MGAT5: variants seen among roughly 807,000 people sequenced by gnomAD.
The protein encoded by MGAT5 is alpha-1,6-mannosylglycoprotein 6-beta-N-acetylglucosaminyltransferase.
In MGAT5, 30 loss-of-function variants were observed where a neutral mutation model predicts 94.3. The observed-to-expected ratio is 0.32, with a 90% CI of 0.24 to 0.43. The LOEUF (loss-of-function observed/expected upper bound fraction) is 0.43. Among genes scored for constraint, MGAT5 ranks in the 20% least tolerant of loss-of-function variants. The pLI, the probability that MGAT5 is intolerant of heterozygous loss-of-function variation, is 1.00. For missense variants in MGAT5, 691 were observed against 905.5 expected, an observed-to-expected ratio of 0.76 and a Z score of 3.04; for synonymous variants, 310 against 322.9, an observed-to-expected ratio of 0.96 and a Z score of 0.43.
In MGAT5 at chr2:134,448,928, T is replaced by C; in HGVS notation, c.*81T>C. The C allele has an allele frequency of 7.0e-7, 1 of 1,419,062 alleles. No homozygotes were observed. Among genetic ancestry groups the C allele is most frequent in the Non-Finnish European group, 9.7e-7 (1 of 1,030,802 alleles). The allele number at this position is 1,419,062 out of a possible 1,614,324, so 87.9% of individuals were successfully genotyped here. A position where few individuals can be genotyped will look rare whatever the true frequency, so the allele number is the denominator to read the frequency against. ...CGTCAGGCAGGGCCAGGGACAGAAG[T>C]CATGCAGGGACTCTGGCAAGAGCCT... On this transcript the variant is annotated 3_prime_UTR_variant, in exon 16 of 16. Coordinates refer to ENST00000281923, the MANE Select transcript of MGAT5 (RefSeq NM_002410.5).
At chr2:134,368,065 A>G (rs1680547315) in intron 10 of MGAT5, among the ~76,000 whole-genome samples, 1 of 152,214 alleles carries the variant, frequency 6.6e-6, no homozygotes, top group African/African-American at 2.4e-5. Context: ...AGCCAGAACC[A>G]GGGTCAGGCT....
At chr2:134,313,366 C>T (rs560052021) in intron 2 of MGAT5, among the ~76,000 whole-genome samples, 32 of 152,214 alleles carry the variant, frequency 2.1e-4, no homozygotes, top group African/African-American at 5.5e-4. Flanking sequence ...AACCCATATT[C>T]GAACACCCAC....
intron 10 of MGAT5, among the ~76,000 whole-genome samples, chr2:134,362,941 C>T (rs1258258409): frequency 6.6e-6 from 1 of 152,230 alleles, no homozygotes; most frequent in African/African-American, 2.4e-5. Context: ...GCTGAAACAG[C>T]ACTCTTGGCC....
intron 4 of MGAT5, among the ~76,000 whole-genome samples, chr2:134,333,236 G>A (rs928758469): frequency 4.3e-4 from 66 of 151,922 alleles, no homozygotes; most frequent in East Asian, 2.9e-3. Context: ...CATATACACC[G>A]TGGAATACTA....
chr2:134,341,797 A>G (rs1305030403), intron 7 of MGAT5, 38 bp downstream of exon 7: 1 of 1,556,560 alleles, frequency 6.4e-7, no homozygotes, highest in Admixed American at 2.0e-5. Context: ...ATCAGAATAC[A>G]AAAAAGAAAT....
At position 134,451,922 on chromosome 2, in the gene MGAT5, T is replaced by C. The variant is rs1686129459; in HGVS notation, c.*3075T>C. ...CATTTTTGTTTGGACTGGGTTTGTG[T>C]CACTGCTCATTACAGTTTGCTTTTT... On this transcript the variant is annotated 3_prime_UTR_variant, in exon 16 of 16. Coordinates refer to ENST00000281923, the MANE Select transcript of MGAT5 (RefSeq NM_002410.5). The C allele has an allele frequency of 6.6e-6, 1 of 152,256 alleles. No homozygotes were observed. The highest frequency in any genetic ancestry group is 2.4e-5 in the African/African-American group (1 of 41,462). The allele number at this position is 152,256 out of a possible 1,614,324, so 9.4% of individuals were successfully genotyped here. A position where few individuals can be genotyped will look rare whatever the true frequency, so the allele number is the denominator to read the frequency against.
intron 2 of MGAT5, among the ~76,000 whole-genome samples, chr2:134,283,175 A>G (rs994053979): frequency 6.6e-6 from 1 of 152,112 alleles, no homozygotes; most frequent in Non-Finnish European, 1.5e-5. Flanking sequence ...TTCAAGTCTG[A>G]GTTCCACAGT....
At chr2:134,266,426 G>A (rs1161576006) in intron 1 of MGAT5, among the ~76,000 whole-genome samples, 1 of 152,060 alleles carries the variant, frequency 6.6e-6, no homozygotes, top group Non-Finnish European at 1.5e-5. Flanking sequence ...TCACCATGTT[G>A]GTCAGGCCGG....
At chr2:134,256,721 A>G (rs1682985280) in intron 1 of MGAT5, among the ~76,000 whole-genome samples, 1 of 152,260 alleles carries the variant, frequency 6.6e-6, no homozygotes, top group African/African-American at 2.4e-5. Flanking sequence ...AAGAAACTAT[A>G]GAAATTATTT....
chr2:134,396,198 G>A (rs1007633824), intron 10 of MGAT5, among the ~76,000 whole-genome samples: 1 of 152,150 alleles, frequency 6.6e-6, no homozygotes, highest in African/African-American at 2.4e-5. Flanking sequence ...GACACAACAA[G>A]GACCACCCCA....
intron 1 of MGAT5, among the ~76,000 whole-genome samples, chr2:134,245,576 T>G (rs1205243660): frequency 6.6e-6 from 1 of 152,196 alleles, no homozygotes; most frequent in Non-Finnish European, 1.5e-5. Context: ...GTGGCCTGTT[T>G]TGCCTCTAAA....
At position 134,403,076 on chromosome 2, in the gene MGAT5, A is replaced by G; in HGVS notation, c.1469A>G (p.Tyr490Cys). 1 of 1,612,128 alleles carries G rather than the reference A, an allele frequency of 6.2e-7. No individual in the cohort carries two copies. Among genetic ancestry groups the G allele is most frequent in the Non-Finnish European group, 8.5e-7 (1 of 1,179,702 alleles). The change falls in exon 11 of 16, where the codon TAC becomes TGC. Residue 490 changes from tyrosine to cysteine, a missense_variant. By Grantham distance (194) the Tyr-to-Cys change is radical. Transcript: ENST00000281923. ...TCCAGCACAAAGAATATTCCCAGTT[A>G]CGTGAAAAACCATGGTATCCTCAGT... The part of the protein sequence containing the change: ...YGSSTKNIPS[Y>C]VKNHGILSGR...
At chr2:134,329,982 G>A (rs1406988159) in intron 4 of MGAT5, among the ~76,000 whole-genome samples, 1 of 152,114 alleles carries the variant, frequency 6.6e-6, no homozygotes, top group Admixed American at 6.6e-5. Flanking sequence ...GAGAAGTGCA[G>A]GGGGCTTACT....
At chr2:134,309,277 G>T (rs1243545656) in intron 2 of MGAT5, among the ~76,000 whole-genome samples, 2 of 152,186 alleles carry the variant, frequency 1.3e-5, no homozygotes, top group African/African-American at 2.4e-5. Context: ...AGGCTATTAT[G>T]AATGTTTACA....
intron 1 of MGAT5, among the ~76,000 whole-genome samples, chr2:134,185,498 T>G (rs1688962770): frequency 6.6e-6 from 1 of 152,228 alleles, no homozygotes. Flanking sequence ...ATTATCATCC[T>G]TTAAAGGAGC....
At chr2:134,401,811 A>G (rs1683072351) in intron 10 of MGAT5, among the ~76,000 whole-genome samples, 1 of 152,082 alleles carries the variant, frequency 6.6e-6, no homozygotes, top group Non-Finnish European at 1.5e-5. Flanking sequence ...AAGAATGTGG[A>G]CTGTGCAGTT....
At chr2:134,297,873 C>T (rs1432357578) in intron 2 of MGAT5, among the ~76,000 whole-genome samples, 1 of 151,552 alleles carries the variant, frequency 6.6e-6, no homozygotes, top group Non-Finnish European at 1.5e-5. Flanking sequence ...TTTGTTGTAT[C>T]ATTCTCTGTA....
chr2:134,394,889 T>C (rs1484725262), intron 10 of MGAT5, among the ~76,000 whole-genome samples: 2 of 152,256 alleles, frequency 1.3e-5, no homozygotes, highest in Non-Finnish European at 2.9e-5. Flanking sequence ...CAGTCCATGA[T>C]TTCCTGACCC....
chr2:134,255,517 A>G (rs1682905111), intron 1 of MGAT5, among the ~76,000 whole-genome samples: 1 of 150,996 alleles, frequency 6.6e-6, no homozygotes, highest in African/African-American at 2.4e-5. Context: ...ACATATATAT[A>G]TACACACACA....
Sources: gnomAD v4.1 joint callset for allele counts (sites outside exome capture counted in the v4.1 genomes callset) on GRCh38, gnomAD v4.1.1 for gene constraint, MANE v1.5 for transcripts, NCBI Gene and HGNC (gene_info 2026-07-23, HGNC 2026-07-21) for gene names.